The following ATXN7 variants were observed in gnomAD, a reference collection of about 807,000 sequenced individuals.
The protein encoded by ATXN7 is ataxin-7.
ATXN7 carries 12 observed loss-of-function variants against 70.5 expected under a neutral mutation model. The observed-to-expected ratio is 0.17, with a 90% CI of 0.11 to 0.28. The LOEUF (loss-of-function observed/expected upper bound fraction) is 0.28, where lower values mean the gene tolerates loss of function less well. ATXN7 is among the 10% of genes least tolerant of loss of function. ATXN7 has a pLI of 1.00. For synonymous variants in ATXN7, 498 were observed against 448.7 expected (o/e 1.11, Z -1.39); for missense variants, 1,256 against 1,131.7 (o/e 1.11, Z -1.58).
chr3:63,936,788 C>T (rs185750231), intron 4 of ATXN7, among the ~76,000 whole-genome samples: 28 of 152,246 alleles, frequency 1.8e-4, no homozygotes, highest in Admixed American at 9.2e-4. Flanking sequence ...AGATAATGAT[C>T]TCTCCTTGAA....
intron 1 of ATXN7, among the ~76,000 whole-genome samples, chr3:63,870,411 T>C (rs1463540153): frequency 6.6e-6 from 1 of 152,172 alleles, no homozygotes; most frequent in East Asian, 1.9e-4. Context: ...CACACGTATG[T>C]GTGTGTGTGC....
At position 63,996,728 on chromosome 3, in the gene ATXN7, G is replaced by T. The variant is rs2075767254; in HGVS notation, c.2661+245G>T. 1.2e-5 allele frequency: 6 copies of T among 520,688 alleles called. No individual in the cohort carries two copies. In the East Asian group the frequency reaches 1.9e-4, roughly 17 times the overall value. The allele number at this position is 520,688 out of a possible 1,614,324, so 32.3% of individuals were successfully genotyped here. On this transcript the variant is annotated intron_variant, in intron 12 of 12. Transcript: ENST00000674280. ...GATGTTCTTCAGTAAAGAAACTACAGTAATGCATTTTTAGTAGAGCTGCAG... is the reference window on the plus strand; with the variant it reads ...GATGTTCTTCAGTAAAGAAACTACATTAATGCATTTTTAGTAGAGCTGCAG...
At position 63,921,839 on chromosome 3, in the gene ATXN7, T is replaced by C. The variant is rs888429879; in HGVS notation, c.394+8614T>C. ...TAGGGGTTGGGAGAATTAAATGATA[T>C]AATGCAGGTTATCAGTAATGAAAGC... On this transcript the variant is annotated intron_variant, in intron 4 of 12. Coordinates refer to ENST00000674280, the MANE Select transcript of ATXN7 (RefSeq NM_001377405.1). 4.6e-5 allele frequency among the ~76,000 whole-genome samples: 7 copies of C among 152,124 alleles called. 1 individual carries two copies. Among genetic ancestry groups the C allele is most frequent in the Admixed American group, 2.0e-4 (3 of 15,276 alleles).
rs1006809071 is a variant in ATXN7 at position 64,002,984 on chromosome 3, A to T, written c.*3517A>T. Reference sequence around the variant, plus strand: ...TTTGAAAAATGTAACTTATAAGGGCAGCTGTCTTCCTGCAAGAGTTCTGTT... The same window carrying T: ...TTTGAAAAATGTAACTTATAAGGGCTGCTGTCTTCCTGCAAGAGTTCTGTT... On this transcript the variant is annotated 3_prime_UTR_variant, in exon 13 of 13. Transcript: ENST00000674280. The T allele has an allele frequency of 3.3e-5, 5 of 152,288 alleles. No individual in the cohort carries two copies. Among genetic ancestry groups the T allele is most frequent in the Admixed American group, 3.3e-4 (5 of 15,300 alleles). 9.4% of individuals were successfully genotyped at this position (152,288 alleles called of 1,614,324 possible). A position where few individuals can be genotyped will look rare whatever the true frequency, so the allele number is the denominator to read the frequency against.
chr3:63,891,165 A>G (rs1218663906), intron 1 of ATXN7, among the ~76,000 whole-genome samples: 2 of 152,006 alleles, frequency 1.3e-5, no homozygotes, highest in Admixed American at 1.3e-4. Context: ...ACGCAGCACC[A>G]CGCCTGGCTA....
chr3:63,939,319 G>C (rs879829717), intron 4 of ATXN7, among the ~76,000 whole-genome samples: 1 of 152,048 alleles, frequency 6.6e-6, no homozygotes, highest in East Asian at 1.9e-4. Flanking sequence ...AAATGTCTTG[G>C]AATCCTTTCT....
chr3:63,896,165 T>C (rs1031785849), intron 1 of ATXN7, among the ~76,000 whole-genome samples: 3 of 152,034 alleles, frequency 2.0e-5, no homozygotes, highest in Non-Finnish European at 4.4e-5. Context: ...GGAGCTCCTG[T>C]AGGATAAAGA....
chr3:63,968,015 T>C (rs1468913367), intron 5 of ATXN7: 1 of 1,478,022 alleles, frequency 6.8e-7, no homozygotes. Context: ...TGGGCTTGGC[T>C]CAGGGCCCAG....
At chr3:63,878,068 A>T (rs1461359278) in intron 1 of ATXN7, among the ~76,000 whole-genome samples, 3 of 152,210 alleles carry the variant, frequency 2.0e-5, no homozygotes, top group Non-Finnish European at 4.4e-5. Context: ...TGAAAGAAAG[A>T]AGGAAGGATG....
At chr3:63,962,437 C>G (rs1380332570) in intron 5 of ATXN7, among the ~76,000 whole-genome samples, 2 of 151,992 alleles carry the variant, frequency 1.3e-5, no homozygotes, top group African/African-American at 4.8e-5. Context: ...CAGAGTCCCA[C>G]TGTCTCGCTC....
At chr3:63,942,450 T>C (rs924479896) in intron 4 of ATXN7, among the ~76,000 whole-genome samples, 3 of 152,232 alleles carry the variant, frequency 2.0e-5, no homozygotes, top group East Asian at 1.9e-4. Flanking sequence ...ATTTTTGTTA[T>C]ACGTATCAAC....
chr3:63,907,740 G>A (rs902647669), intron 2 of ATXN7, among the ~76,000 whole-genome samples: 9 of 151,022 alleles, frequency 6.0e-5, no homozygotes, highest in Admixed American at 2.6e-4. Flanking sequence ...AGACCATCAC[G>A]CCTGGCCTCC....
chr3:63,991,528 G>A (rs915178559), intron 11 of ATXN7, among the ~76,000 whole-genome samples: 14 of 152,120 alleles, frequency 9.2e-5, no homozygotes, highest in Non-Finnish European at 1.9e-4. Context: ...GTAGGGAGGA[G>A]TGGGTTCTGG....
Position 63,995,833 on chromosome 3 carries a change from C to T in ATXN7, c.2011C>T (p.Pro671Ser), listed in dbSNP as rs369807335. The change falls in exon 12 of 13, where the codon CCT (proline) becomes TCT (serine). Residue 671 changes from proline (P) to serine (S), a missense_variant. Coordinates refer to ENST00000674280, the MANE Select transcript of ATXN7 (RefSeq NM_001377405.1). ...TCCTTCCTCCCCCATGTCCAGGAAA[C>T]CTCAGAAATTGAAATCCAGCAAATC... Reference protein sequence around the residue: ...SVPSSPMSRKPQKLKSSKSLR... With the variant: ...SVPSSPMSRKSQKLKSSKSLR... The T allele has an allele frequency of 6.2e-7, 1 of 1,614,206 alleles. No homozygotes were observed. Among genetic ancestry groups the T allele is most frequent in the Non-Finnish European group, 8.5e-7 (1 of 1,180,026 alleles).
chr3:63,866,264 T>C (rs1702424303), intron 1 of ATXN7, among the ~76,000 whole-genome samples: 1 of 152,210 alleles, frequency 6.6e-6, no homozygotes, highest in Non-Finnish European at 1.5e-5. Context: ...TTATTTTTTT[T>C]TGAGACAGGA....
chr3:63,927,366 G>C (rs1006233326), intron 4 of ATXN7, among the ~76,000 whole-genome samples: 1 of 152,188 alleles, frequency 6.6e-6, no homozygotes, highest in Non-Finnish European at 1.5e-5. Flanking sequence ...ATAAATGCCA[G>C]GTAGAAGGAA....
rs372877938 is a variant in ATXN7, at chr3:63,982,252, G to T, written c.819G>T (p.Ala273=). 1.2e-6 allele frequency: 2 copies of T among 1,614,084 alleles called. No homozygotes were observed. Among genetic ancestry groups the T allele is most frequent in the Non-Finnish European group, 1.7e-6 (2 of 1,180,014 alleles). Residue 273 remains alanine (A), a synonymous_variant, in exon 7 of 13, where the codon GCG becomes GCT. Coordinates refer to ENST00000674280, the MANE Select transcript of ATXN7 (RefSeq NM_001377405.1). ...PKMDGTLLKS[A]VGPTCPATVS... is the part of the protein sequence containing the mutation. The stretch of plus-strand genomic sequence containing the variant: ...TGGATGGCACACTACTGAAATCTGC[G>T]GTGGGGCCAACCTGTCCTGCTACTG...
intron 1 of ATXN7, among the ~76,000 whole-genome samples, chr3:63,893,601 G>A (rs555660521): frequency 1.1e-3 from 170 of 152,296 alleles, no homozygotes; most frequent in African/African-American, 3.9e-3. Context: ...CACATGAGGC[G>A]TTCTACGAAG....
At chr3:63,889,788 T>G (rs1053339704) in intron 1 of ATXN7, among the ~76,000 whole-genome samples, 5 of 152,334 alleles carry the variant, frequency 3.3e-5, no homozygotes, top group African/African-American at 1.2e-4. Context: ...TTCCTGAGGT[T>G]GTGTCAGGAC....
Sources: gnomAD v4.1 joint callset for allele counts (sites outside exome capture counted in the v4.1 genomes callset) on GRCh38, gnomAD v4.1.1 for gene constraint, MANE v1.5 for transcripts, NCBI Gene and HGNC (gene_info 2026-07-23, HGNC 2026-07-21) for gene names.